Variants in CASZ1 observed in about 807,000 individuals in gnomAD.
The protein encoded by CASZ1 is castor zinc finger 1.
In CASZ1, 28 loss-of-function variants were observed where a neutral mutation model predicts 135.2. The ratio of observed to expected loss-of-function variants is 0.21; its 90% CI spans 0.15 to 0.28. CASZ1 has a LOEUF of 0.28. Among genes scored for constraint, CASZ1 ranks in the 10% least tolerant of loss-of-function variants. CASZ1 has a pLI of 1.00. For missense variants in CASZ1, 2,161 were observed against 2,453.3 expected, an observed-to-expected ratio of 0.88 and a Z score of 2.52; for synonymous variants, 1,068 against 1,073.4, an observed-to-expected ratio of 0.99 and a Z score of 0.10.
At chr1:10,740,969 A>AAAAAAAAAG (rs1639907825) in intron 2 of CASZ1, among the ~76,000 whole-genome samples, 3 of 132,224 alleles carry the variant, frequency 2.3e-5, no homozygotes, top group African/African-American at 5.7e-5. Context: ...ACAAAAAAAA[A>AAAAAAAAAG]AAAAAAAAGA....
rs1475263983 is a variant in CASZ1, at chr1:10,756,193, C to T, written c.-77+4508G>A. Among the ~76,000 whole-genome samples, 2 of 152,168 alleles carry T rather than the reference C, an allele frequency of 1.3e-5. No individual in the cohort carries two copies. Among genetic ancestry groups the T allele is most frequent in the South Asian group, 2.1e-4 (1 of 4,836 alleles). On this transcript the variant is annotated intron_variant, in intron 2 of 20. Transcript: ENST00000377022. This position sits in a 1 kb window ranked among gnomAD's most constrained non-coding sequence, Gnocchi z 5.9. The stretch of plus-strand genomic sequence containing the variant: ...TCCCGCAAGCCGCTGCCAGCCTGCA[C>T]TTCTGCTCTCTCCCGTTGCTGCCTC...
Position 10,765,983 on chromosome 1 carries a change from C to T in CASZ1, c.-233-5126G>A, listed in dbSNP as rs142460406. Among the ~76,000 whole-genome samples the T allele has an allele frequency of 2.0e-3, 300 of 152,280 alleles. 5 individuals carry two copies. In the East Asian group the frequency reaches 0.054, roughly 28 times the overall value. ...GGGAACAGAGTTATACAAAAAAGGG[C>T]GTGTCGCCAGAGGGAGACGGATATC... On this transcript the variant is annotated intron_variant, in intron 1 of 20. Coordinates refer to ENST00000377022, the MANE Select transcript of CASZ1 (RefSeq NM_001079843.3).
rs1005457614 is a variant in CASZ1, at chr1:10,794,945, T to G, written c.-234+1619A>C. Among the ~76,000 whole-genome samples the G allele has an allele frequency of 5.4e-5, 8 of 148,150 alleles. No individual in the cohort carries two copies. The highest frequency in any genetic ancestry group is 1.2e-4 in the Non-Finnish European group (8 of 66,826). On this transcript the variant is annotated intron_variant, in intron 1 of 20. Transcript: ENST00000377022. This position sits in a 1 kb window ranked among gnomAD's most constrained non-coding sequence, Gnocchi z 5.6. ...GCCCCAGCGCGCCTCTGCCCGCACC[T>G]CGCCACCCCGGCGGCCGCCCCCTCC...
At position 10,770,374 on chromosome 1, in the gene CASZ1, C is replaced by G. The variant is rs113691374; in HGVS notation, c.-233-9517G>C. Among the ~76,000 whole-genome samples, 632 of 152,260 alleles carry G rather than the reference C, an allele frequency of 4.2e-3. 2 individuals are homozygous for G. Among genetic ancestry groups the G allele is most frequent in the African/African-American group, 0.014 (598 of 41,542 alleles). ...TGCTGGGAGTACAGGTGTGAGCTGT[C>G]GAACCTGGCCTAAATTATTTTCTTT... On this transcript the variant is annotated intron_variant, in intron 1 of 20. Transcript: ENST00000377022.
At chr1:10,716,883 G>A (rs751080447) in intron 2 of CASZ1, among the ~76,000 whole-genome samples, 10 of 152,318 alleles carry the variant, frequency 6.6e-5, no homozygotes, top group East Asian at 3.9e-4. Context: ...TGTACAGAGC[G>A]GGGGTCCCTT....
chr1:10,793,207 CTT>C (rs1442903564), intron 1 of CASZ1, among the ~76,000 whole-genome samples: 14 of 135,960 alleles, frequency 1.0e-4, no homozygotes, highest in Admixed American at 3.3e-4. Context: ...AGATTGGACT[CTT>C]TGATCTTGAA....
chr1:10,737,317 G>A (rs746912974), intron 2 of CASZ1, among the ~76,000 whole-genome samples: 1 of 152,152 alleles, frequency 6.6e-6, no homozygotes, highest in African/African-American at 2.4e-5. Context: ...ACCCTCGTGG[G>A]CCCTCCCCTC....
chr1:10,687,105 C>T (rs1638618407), intron 4 of CASZ1, among the ~76,000 whole-genome samples: 1 of 152,198 alleles, frequency 6.6e-6, no homozygotes. Context: ...GCCTCCTGCT[C>T]TCCCGCTGCA....
In CASZ1 at chr1:10,741,492, G is replaced by A. The variant is rs1639921555; in HGVS notation, c.-77+19209C>T. Among the ~76,000 whole-genome samples the A allele has an allele frequency of 6.6e-6, 1 of 152,114 alleles. No homozygotes were observed. Among genetic ancestry groups the A allele is most frequent in the Non-Finnish European group, 1.5e-5 (1 of 68,014 alleles). On this transcript the variant is annotated intron_variant, in intron 2 of 20. Transcript: ENST00000377022. The surrounding 1 kb of genome is among the most constrained non-coding windows in gnomAD (Gnocchi z 5.0). ...TCTCCAGTAAAGATGAGCATGGGCA[G>A]GGCTGGCGTGATGAGGCTGGTCTAG...
rs745754673 is a variant in CASZ1, at chr1:10,735,396, C to T, written c.-77+25305G>A. On this transcript the variant is annotated intron_variant, in intron 2 of 20. Transcript: ENST00000377022. The surrounding 1 kb of genome is among the most constrained non-coding windows in gnomAD (Gnocchi z 5.1). ...GGCGCCTGCAAACGCAGGCGAGGCC[C>T]GGGAGCTCTGGGAGGGGACGGGGGA... 4.6e-5 allele frequency among the ~76,000 whole-genome samples: 7 copies of T among 152,280 alleles called. No homozygotes were observed. The highest frequency in any genetic ancestry group is 4.1e-4 in the South Asian group (2 of 4,822).
chr1:10,694,187 G>A lies in CASZ1; in HGVS notation c.-23-275C>T, dbSNP rs1456152288. 5 of 315,698 alleles carry A rather than the reference G, an allele frequency of 1.6e-5. No individual in the cohort carries two copies. Among genetic ancestry groups the A allele is most frequent in the Middle Eastern group, 1.3e-3 (1 of 796 alleles). 19.6% of individuals were successfully genotyped at this position (315,698 alleles called of 1,614,324 possible). A position where few individuals can be genotyped will look rare whatever the true frequency, so the allele number is the denominator to read the frequency against. On this transcript the variant is annotated intron_variant, in intron 3 of 20. Coordinates refer to ENST00000377022, the MANE Select transcript of CASZ1 (RefSeq NM_001079843.3). This position sits in a 1 kb window ranked among gnomAD's most constrained non-coding sequence, Gnocchi z 6.6. ...GCCCCGGCTTGGGGGCCCTGGCCGG[G>A]GGATCCGCGAGGCCCAGGGGCGCCC...
At chr1:10,695,337 C>T (rs535832039) in intron 3 of CASZ1, among the ~76,000 whole-genome samples, 2 of 152,250 alleles carry the variant, frequency 1.3e-5, no homozygotes, top group Admixed American at 1.3e-4. Flanking sequence ...CAGAGCCTCC[C>T]CGGTCTTCCG....
intron 3 of CASZ1, among the ~76,000 whole-genome samples, chr1:10,702,724 C>T (rs1639088480): frequency 6.6e-6 from 1 of 152,152 alleles, no homozygotes; most frequent in South Asian, 2.1e-4. Flanking sequence ...CCCACCCCTG[C>T]CAGCGGGGGA....
chr1:10,746,339 C>T (rs902355430), intron 2 of CASZ1, among the ~76,000 whole-genome samples: 1 of 152,312 alleles, frequency 6.6e-6, no homozygotes, highest in East Asian at 1.9e-4. Flanking sequence ...CCTGTTCCAT[C>T]GAAACTTATT....
rs547091206 is a variant in CASZ1 at position 10,677,586 on chromosome 1, G to A, written c.17-12015C>T. 2.0e-5 allele frequency among the ~76,000 whole-genome samples: 3 copies of A among 152,308 alleles called. No individual in the cohort carries two copies. The South Asian group carries it at 6.2e-4, about 32-fold the overall frequency. Reference sequence around the variant, plus strand: ...GCTATCAGGGTGGAGGCTGTCCTAGGTGCACAGAACTTTAGACCTGGAAAG... The same window carrying A: ...GCTATCAGGGTGGAGGCTGTCCTAGATGCACAGAACTTTAGACCTGGAAAG... On this transcript the variant is annotated intron_variant, in intron 4 of 20. Transcript: ENST00000377022.
At chr1:10,690,421 T>C (rs140264212) in intron 4 of CASZ1, among the ~76,000 whole-genome samples, 2 of 152,322 alleles carry the variant, frequency 1.3e-5, no homozygotes, top group East Asian at 3.9e-4. Context: ...CTCAAGACAG[T>C]ATGCTCTCAA....
chr1:10,707,528 C>T lies in CASZ1; in HGVS notation c.-76-1984G>A, dbSNP rs370173317. On this transcript the variant is annotated intron_variant, in intron 2 of 20. Transcript: ENST00000377022. The surrounding 1 kb of genome is among the most constrained non-coding windows in gnomAD (Gnocchi z 5.0). ...GGGAGGAAACTTTCCAGGAGTTGGTCGGGGGTGGAGGAGGGAGGGGAGGGC... is the reference window on the plus strand; with the variant it reads ...GGGAGGAAACTTTCCAGGAGTTGGTTGGGGGTGGAGGAGGGAGGGGAGGGC... Among the ~76,000 whole-genome samples, 4 of 151,360 alleles carry T rather than the reference C, an allele frequency of 2.6e-5. No individual in the cohort carries two copies. The highest frequency in any genetic ancestry group is 7.3e-5 in the African/African-American group (3 of 41,210).
At position 10,694,863 on chromosome 1, in the gene CASZ1, C is replaced by A. The variant is rs895917550; in HGVS notation, c.-23-951G>T. ...GAACGCGGCCCGAGTAAGGCGCCCG[C>A]GGGCACGCGCCCACTCTTGCCGGCC... On this transcript the variant is annotated intron_variant, in intron 3 of 20. Transcript: ENST00000377022. This position sits in a 1 kb window ranked among gnomAD's most constrained non-coding sequence, Gnocchi z 6.6. Among the ~76,000 whole-genome samples, 618 of 144,438 alleles carry A rather than the reference C, an allele frequency of 4.3e-3. 5 individuals are homozygous for A. The highest frequency in any genetic ancestry group is 0.014 in the African/African-American group (582 of 40,354). 94.8% of individuals were successfully genotyped at this position (144,438 alleles called of 152,430 possible). A position where few individuals can be genotyped will look rare whatever the true frequency, so the allele number is the denominator to read the frequency against.
At chr1:10,769,314 C>T (rs1322118972) in intron 1 of CASZ1, among the ~76,000 whole-genome samples, 1 of 152,142 alleles carries the variant, frequency 6.6e-6, no homozygotes, top group Non-Finnish European at 1.5e-5. Context: ...TGGCCACATG[C>T]GGCTACTGAG....
Sources: gnomAD v4.1 joint callset for allele counts (sites outside exome capture counted in the v4.1 genomes callset) on GRCh38, gnomAD v4.1.1 for gene constraint, Gnocchi (gnomAD v3.1) non-coding constraint, MANE v1.5 for transcripts, NCBI Gene and HGNC (gene_info 2026-07-23, HGNC 2026-07-21) for gene names.